The following KCNT2 variants were observed in gnomAD, a reference collection of about 807,000 sequenced individuals.
KCNT2 encodes the protein potassium sodium-activated channel subfamily T member 2, also known as potassium channel subfamily T member 2.
In KCNT2, 67 loss-of-function variants were observed where a neutral mutation model predicts 153.8. That is an observed-to-expected ratio of 0.44 (90% CI 0.36 to 0.53). The LOEUF (loss-of-function observed/expected upper bound fraction) is 0.53. Ranked by LOEUF, KCNT2 falls within the 20% of genes least tolerant of loss-of-function variation. KCNT2 has a pLI of 0.00. For synonymous variants in KCNT2, 500 were observed against 458.8 expected (o/e 1.09, Z -1.15); for missense variants, 975 against 1,354.8 (o/e 0.72, Z 4.40).
chr1:196,418,585 T>C (rs1242116048), intron 12 of KCNT2, among the ~76,000 whole-genome samples: 1 of 152,052 alleles, frequency 6.6e-6, no homozygotes, highest in Admixed American at 6.6e-5. Context: ...GCAGAGTTGG[T>C]TTCCTCTGAG....
intron 1 of KCNT2, among the ~76,000 whole-genome samples, chr1:196,537,278 G>C (rs530608931): frequency 9.2e-5 from 14 of 152,170 alleles, no homozygotes; most frequent in Non-Finnish European, 1.8e-4. Context: ...TAGACCTGTG[G>C]CAACACTGTG....
In KCNT2 at chr1:196,275,327, T is replaced by C. The variant is rs566837469; in HGVS notation, c.2910+5533A>G. Reference sequence around the variant, plus strand: ...CTGGCATGGAGGGCATATGACTAATTATGAATGGGCAGTTCCATCTCTACT... The same window carrying C: ...CTGGCATGGAGGGCATATGACTAATCATGAATGGGCAGTTCCATCTCTACT... On this transcript the variant is annotated intron_variant, in intron 25 of 27. Coordinates refer to ENST00000294725, the MANE Select transcript of KCNT2 (RefSeq NM_198503.5). Among the ~76,000 whole-genome samples, 5 of 151,892 alleles carry C rather than the reference T, an allele frequency of 3.3e-5. No individual in the cohort carries two copies. In the East Asian group the frequency reaches 9.7e-4, roughly 29 times the overall value.
At chr1:196,284,400 A>G (rs937061558) in intron 23 of KCNT2, among the ~76,000 whole-genome samples, 3 of 149,044 alleles carry the variant, frequency 2.0e-5, no homozygotes, top group African/African-American at 7.3e-5. Flanking sequence ...TTCCATTTCT[A>G]TAGAACAGTT....
intron 20 of KCNT2, among the ~76,000 whole-genome samples, chr1:196,318,367 C>T (rs1313460181): frequency 1.3e-5 from 2 of 151,688 alleles, no homozygotes; most frequent in African/African-American, 2.4e-5. Context: ...ATTATCAATT[C>T]GTAGCCAATT....
intron 19 of KCNT2, among the ~76,000 whole-genome samples, chr1:196,320,130 A>G (rs990212832): frequency 2.6e-5 from 4 of 151,762 alleles, no homozygotes; most frequent in Non-Finnish European, 5.9e-5. Context: ...TTTTAAATTT[A>G]TTGATATACT....
intron 1 of KCNT2, among the ~76,000 whole-genome samples, chr1:196,510,113 A>G (rs1347478109): frequency 2.0e-5 from 3 of 152,170 alleles, no homozygotes; most frequent in African/African-American, 7.2e-5. Flanking sequence ...TCAGGGAAGT[A>G]AAAGGAATTA....
chr1:196,484,070 C>T (rs940405166), intron 3 of KCNT2, among the ~76,000 whole-genome samples: 1 of 152,006 alleles, frequency 6.6e-6, no homozygotes, highest in Non-Finnish European at 1.5e-5. Flanking sequence ...AACTATGTGC[C>T]ACAAAAGTTA....
At chr1:196,470,496 C>A (rs1243638588) in intron 5 of KCNT2, among the ~76,000 whole-genome samples, 2 of 152,136 alleles carry the variant, frequency 1.3e-5, no homozygotes, top group Non-Finnish European at 2.9e-5. Flanking sequence ...AGATGGTGGG[C>A]CTGAGAAGCC....
chr1:196,270,509 C>T (rs1260955730), intron 25 of KCNT2, among the ~76,000 whole-genome samples: 1 of 151,974 alleles, frequency 6.6e-6, no homozygotes, highest in Non-Finnish European at 1.5e-5. Context: ...TCATGTTAGA[C>T]TCTATAATTG....
chr1:196,596,633 C>G (rs1408838529), intron 1 of KCNT2, among the ~76,000 whole-genome samples: 3 of 151,976 alleles, frequency 2.0e-5, no homozygotes, highest in African/African-American at 7.3e-5. Flanking sequence ...GAAGCAAAAC[C>G]CATGGATATG....
chr1:196,423,705 T>A (rs1673405025), intron 11 of KCNT2, among the ~76,000 whole-genome samples: 2 of 146,960 alleles, frequency 1.4e-5, no homozygotes, highest in South Asian at 4.5e-4. Context: ...CATTTATCTC[T>A]GTGGTTCTCT....
intron 14 of KCNT2, among the ~76,000 whole-genome samples, chr1:196,349,577 C>T (rs1666442555): frequency 6.6e-6 from 1 of 152,104 alleles, no homozygotes; most frequent in African/African-American, 2.4e-5. Context: ...TTCCACTCTT[C>T]CTTATTTCCT....
intron 1 of KCNT2, among the ~76,000 whole-genome samples, chr1:196,575,560 C>T (rs1421975519): frequency 6.6e-6 from 1 of 151,124 alleles, no homozygotes; most frequent in African/African-American, 2.4e-5. Flanking sequence ...CAACAGATTA[C>T]TTGGACATAT....
At chr1:196,452,517 A>G (rs1288165754) in intron 8 of KCNT2, among the ~76,000 whole-genome samples, 2 of 151,916 alleles carry the variant, frequency 1.3e-5, no homozygotes, top group Non-Finnish European at 2.9e-5. Context: ...GCAATCTTGT[A>G]TATGCACTCA....
chr1:196,559,578 ATTAGCAAAGTAAGAAAGTTTCTATT>A (rs1223567624), intron 1 of KCNT2, among the ~76,000 whole-genome samples: 1 of 151,758 alleles, frequency 6.6e-6, no homozygotes, highest in African/African-American at 2.4e-5. Context: ...TTACCTTCCC[ATTAGCAAAGTAAGAAAGTTTCTATT>A]TTAGCAAAGT....
intron 3 of KCNT2, among the ~76,000 whole-genome samples, chr1:196,485,407 G>A (rs890755197): frequency 1.3e-5 from 2 of 151,898 alleles, no homozygotes; most frequent in African/African-American, 4.8e-5. Context: ...TTCCTAAAGG[G>A]TCCAAAAGAA....
chr1:196,347,537 C>T (rs76309476), intron 14 of KCNT2, among the ~76,000 whole-genome samples: 1,825 of 152,236 alleles, frequency 0.012, 18 homozygotes, highest in Non-Finnish European at 0.019. Context: ...TTCACAAATC[C>T]TTTTACAGTA....
At chr1:196,426,062 T>A (rs1377915119) in intron 10 of KCNT2, 74 bp from the exon 11 acceptor site, 10 of 1,171,888 alleles carry the variant, frequency 8.5e-6, no homozygotes, top group Non-Finnish European at 1.2e-5. Context: ...AAATAAAATA[T>A]CTAAGAAAAA....
intron 1 of KCNT2, among the ~76,000 whole-genome samples, chr1:196,577,494 C>A (rs916136025): frequency 6.6e-6 from 1 of 152,064 alleles, no homozygotes; most frequent in Non-Finnish European, 1.5e-5. Flanking sequence ...GAGAAGAAAG[C>A]GGCACAGATA....
Sources: gnomAD v4.1 joint callset for allele counts (sites outside exome capture counted in the v4.1 genomes callset) on GRCh38, gnomAD v4.1.1 for gene constraint, MANE v1.5 for transcripts, NCBI Gene and HGNC (gene_info 2026-07-23, HGNC 2026-07-21) for gene names.